Variants in KLHL29 observed in about 807,000 individuals in gnomAD.
KLHL29 encodes kelch like family member 29, also known as kelch-like protein 29.
A neutral mutation model predicts 80.4 loss-of-function variants in KLHL29; 21 were observed. That is an observed-to-expected ratio of 0.26 (90% CI 0.19 to 0.38). The LOEUF is 0.38. Ranked by LOEUF, KLHL29 falls within the 10% of genes least tolerant of loss-of-function variation. The pLI, the probability that KLHL29 is intolerant of heterozygous loss-of-function variation, is 1.00. For synonymous variants in KLHL29, 511 were observed against 526.8 expected (o/e 0.97, Z 0.41); for missense variants, 867 against 1,223.9 (o/e 0.71, Z 4.35).
intron 1 of KLHL29, among the ~76,000 whole-genome samples, chr2:23,388,496 A>G (rs1315963881): frequency 6.6e-6 from 1 of 152,180 alleles, no homozygotes; most frequent in Non-Finnish European, 1.5e-5. Flanking sequence ...TGTTATCAAC[A>G]CCTGTCAGTT....
Position 23,488,011 on chromosome 2 carries a change from G to A in KLHL29, c.-46+12344G>A, listed in dbSNP as rs563572444. ...AGCCTTTTAACCTCCTACGGCCAGT[G>A]ATGTGGTCAGGACTGGCAGATGCGT... On this transcript the variant is annotated intron_variant, in intron 2 of 13. Coordinates refer to ENST00000486442, the MANE Select transcript of KLHL29 (RefSeq NM_052920.2). Among the ~76,000 whole-genome samples the A allele has an allele frequency of 7.9e-5, 12 of 152,314 alleles. No homozygotes were observed. The East Asian group carries it at 1.9e-3, about 25-fold the overall frequency.
intron 1 of KLHL29, among the ~76,000 whole-genome samples, chr2:23,439,702 A>G (rs1463233515): frequency 6.6e-6 from 1 of 150,986 alleles, no homozygotes; most frequent in Non-Finnish European, 1.5e-5. Context: ...CTGTTCTTTT[A>G]CATTTGCTGA....
At chr2:23,488,012 A>G (rs1490463554) in intron 2 of KLHL29, among the ~76,000 whole-genome samples, 2 of 152,152 alleles carry the variant, frequency 1.3e-5, no homozygotes, top group Admixed American at 1.3e-4. Flanking sequence ...ACGGCCAGTG[A>G]TGTGGTCAGG....
chr2:23,663,279 T>C (rs1862901), intron 5 of KLHL29, among the ~76,000 whole-genome samples: 96,187 of 152,054 alleles, frequency 0.63, 32,368 homozygotes, highest in East Asian at 0.93. Context: ...TTATCTTGAG[T>C]TTATTGGGGT....
intron 1 of KLHL29, among the ~76,000 whole-genome samples, chr2:23,467,418 T>C (rs1664381746): frequency 1.3e-5 from 2 of 152,250 alleles, no homozygotes; most frequent in Non-Finnish European, 2.9e-5. Flanking sequence ...TTTCTGCCTG[T>C]GTATGGAGAA....
intron 3 of KLHL29, among the ~76,000 whole-genome samples, chr2:23,635,123 A>T (rs1324620625): frequency 6.6e-6 from 1 of 152,226 alleles, no homozygotes; most frequent in Admixed American, 6.5e-5. Context: ...CTGCTAGTCT[A>T]TATGGCACCT....
chr2:23,469,446 A>G (rs2103433974), intron 1 of KLHL29, among the ~76,000 whole-genome samples: 1 of 152,334 alleles, frequency 6.6e-6, no homozygotes, highest in South Asian at 2.1e-4. Context: ...ATGCAGGAGC[A>G]CGCCACGCAG....
At chr2:23,484,540 AAC>A (rs1664879699) in intron 2 of KLHL29, among the ~76,000 whole-genome samples, 1 of 152,254 alleles carries the variant, frequency 6.6e-6, no homozygotes, top group Non-Finnish European at 1.5e-5. Flanking sequence ...CGGAAGTCAG[AAC>A]ACAGAGACAT....
intron 1 of KLHL29, among the ~76,000 whole-genome samples, chr2:23,408,989 G>A (rs930229029): frequency 2.0e-5 from 3 of 152,098 alleles, no homozygotes; most frequent in Admixed American, 6.6e-5. Context: ...CTGCCTTGTT[G>A]GGGGGTGTGT....
chr2:23,556,729 C>T (rs1213415557), intron 2 of KLHL29, among the ~76,000 whole-genome samples: 2 of 152,074 alleles, frequency 1.3e-5, no homozygotes, highest in East Asian at 1.9e-4. Flanking sequence ...GGCTTTGCTG[C>T]CTGCAAGATC....
At chr2:23,625,845 G>A (rs147760562) in intron 3 of KLHL29, among the ~76,000 whole-genome samples, 170 of 152,286 alleles carry the variant, frequency 1.1e-3, no homozygotes, top group African/African-American at 4.0e-3. Context: ...GATGGGATTA[G>A]TGCTCTTGTA....
chr2:23,578,457 T>C (rs1164038923), intron 3 of KLHL29, among the ~76,000 whole-genome samples: 1 of 152,194 alleles, frequency 6.6e-6, no homozygotes, highest in African/African-American at 2.4e-5. Flanking sequence ...GTGGGGAAAA[T>C]TAAATGAATT....
intron 5 of KLHL29, among the ~76,000 whole-genome samples, chr2:23,645,611 G>A (rs1470453724): frequency 6.6e-6 from 1 of 152,150 alleles, no homozygotes; most frequent in Non-Finnish European, 1.5e-5. Flanking sequence ...GGCCTCTCCC[G>A]GGGTTGAGTA....
chr2:23,524,909 T>C (rs1666252884), intron 2 of KLHL29, among the ~76,000 whole-genome samples: 1 of 152,214 alleles, frequency 6.6e-6, no homozygotes, highest in South Asian at 2.1e-4. Context: ...ATCTTAAAAG[T>C]AATTTTGCTG....
chr2:23,477,266 G>A (rs548309031), intron 2 of KLHL29, among the ~76,000 whole-genome samples: 1 of 152,406 alleles, frequency 6.6e-6, no homozygotes, highest in East Asian at 1.9e-4. Flanking sequence ...AGCAGGGGCA[G>A]AACATCAGAC....
At position 23,666,421 on chromosome 2, in the gene KLHL29, A is replaced by T. The variant is rs536635487; in HGVS notation, c.941-17978A>T. 1.3e-4 allele frequency among the ~76,000 whole-genome samples: 19 copies of T among 151,990 alleles called. No individual in the cohort carries two copies. The East Asian group carries it at 1.9e-3, about 16-fold the overall frequency. On this transcript the variant is annotated intron_variant, in intron 5 of 13. Transcript: ENST00000486442. ...TGTGCCCAGCCTCGGCTTGGGGAGG[A>T]CACTATAGTGTGCGGTGACCTGTGG... is the stretch of plus-strand genomic sequence containing the variant.
At chr2:23,491,656 C>G (rs183445752) in intron 2 of KLHL29, among the ~76,000 whole-genome samples, 1 of 152,128 alleles carries the variant, frequency 6.6e-6, no homozygotes, top group African/African-American at 2.4e-5. Flanking sequence ...TCCAGCCCTC[C>G]GGGTGCTACT....
At chr2:23,461,989 T>TTA (rs1553326615) in intron 1 of KLHL29, among the ~76,000 whole-genome samples, 2 of 150,450 alleles carry the variant, frequency 1.3e-5, no homozygotes, top group East Asian at 3.9e-4. Context: ...TTTTTTTTTT[T>TTA]AATGACAAAA....
intron 1 of KLHL29, among the ~76,000 whole-genome samples, chr2:23,426,174 A>G (rs1028736749): frequency 2.0e-5 from 3 of 152,162 alleles, no homozygotes; most frequent in Non-Finnish European, 4.4e-5. Flanking sequence ...TGAGTAGGGC[A>G]GAGGGTTAAC....
Sources: allele counts gnomAD v4.1 joint callset (sites outside exome capture counted in the v4.1 genomes callset), GRCh38; gene constraint gnomAD v4.1.1; transcripts MANE v1.5; gene names NCBI Gene and HGNC (gene_info 2026-07-23, HGNC 2026-07-21).